The following CXCL9 variants were observed in gnomAD, a reference collection of about 807,000 sequenced individuals.
CXCL9 encodes the protein C-X-C motif chemokine ligand 9, also known as C-X-C motif chemokine 9.
CXCL9 carries 8 observed loss-of-function variants against 11.7 expected under a neutral mutation model. The ratio of observed to expected loss-of-function variants is 0.68; its 90% CI spans 0.40 to 1.23. The LOEUF is 1.23. Ranked by LOEUF, CXCL9 falls within the 50% of genes most tolerant of loss-of-function variation. CXCL9 has a pLI of 0.01. For synonymous variants in CXCL9, 43 were observed against 48.2 expected, an observed-to-expected ratio of 0.89 and a Z score of 0.45; for missense variants, 133 against 141.7, an observed-to-expected ratio of 0.94 and a Z score of 0.31.
In CXCL9 at chr4:76,003,590, G is replaced by A; in HGVS notation, c.*8C>T. Reference sequence around the variant, plus strand: ...TTAACACAGAATACTTATTGGTGAAGTGGTCTCTTATGTAGTCTTCTTTTG... The same window carrying A: ...TTAACACAGAATACTTATTGGTGAAATGGTCTCTTATGTAGTCTTCTTTTG... On this transcript the variant is annotated 3_prime_UTR_variant, in exon 4 of 4. Coordinates refer to ENST00000264888, the MANE Select transcript of CXCL9 (RefSeq NM_002416.3). 6.8e-7 allele frequency: 1 copy of A among 1,470,318 alleles called. No homozygotes were observed. Among genetic ancestry groups the A allele is most frequent in the Non-Finnish European group, 9.5e-7 (1 of 1,053,978 alleles). 91.1% of individuals were successfully genotyped at this position (1,470,318 alleles called of 1,614,324 possible). A position where few individuals can be genotyped will look rare whatever the true frequency, so the allele number is the denominator to read the frequency against.
At position 76,002,096 on chromosome 4, in the gene CXCL9, A is replaced by G. The variant is rs558792192; in HGVS notation, c.*1502T>C. On this transcript the variant is annotated 3_prime_UTR_variant, in exon 4 of 4. Transcript: ENST00000264888. ...AACAAGTAAACGGACAATAAAACTC[A>G]TATTTGCCTAAAATGAGTTTCGATA... 2 of 390,108 alleles carry G rather than the reference A, an allele frequency of 5.1e-6. No homozygotes were observed. The highest frequency in any genetic ancestry group is 4.1e-5 in the African/African-American group (2 of 48,244). The allele number at this position is 390,108 out of a possible 1,614,324, so 24.2% of individuals were successfully genotyped here.
Position 76,004,816 on chromosome 4 carries a change from T to G in CXCL9, c.269A>C (p.Glu90Ala), listed in dbSNP as rs901303891. ...ADVKELIKKWEKQVSQKKKQK... is the reference protein window; with the variant it reads ...ADVKELIKKWAKQVSQKKKQK... ...ATCTTCCTTTTCACCAACCTGTTTC[T>G]CCCACTTTTTAATCAGTTCCTTCAC... Residue 90 changes from glutamate to alanine, a missense_variant, in exon 3 of 4, where the codon GAG becomes GCG. Physicochemically the swap from Glu to Ala is moderately radical, Grantham distance 107. Coordinates refer to ENST00000264888, the MANE Select transcript of CXCL9 (RefSeq NM_002416.3). 1.3e-6 allele frequency: 2 copies of G among 1,596,274 alleles called. No individual in the cohort carries two copies. Among genetic ancestry groups the G allele is most frequent in the Non-Finnish European group, 1.7e-6 (2 of 1,174,726 alleles).
intron 2 of CXCL9, 140 bp downstream of exon 2, chr4:76,006,008 G>A (rs1182916131): frequency 2.9e-6 from 2 of 682,416 alleles, no homozygotes; most frequent in East Asian, 2.8e-5. Context: ...AGAAAAGAAA[G>A]GAGCTGCCCA....
At chr4:76,005,431 A>G (rs967849078) in intron 2 of CXCL9, 3 of 152,280 alleles carry the variant, frequency 2.0e-5, no homozygotes, top group Non-Finnish European at 4.4e-5. Flanking sequence ...TCTGAGAATA[A>G]GAGTAGTCAA....
At chr4:76,006,833 T>C (rs1485699061) in intron 1 of CXCL9, among the ~76,000 whole-genome samples, 3 of 152,230 alleles carry the variant, frequency 2.0e-5, no homozygotes, top group African/African-American at 7.2e-5. Context: ...TGAAAACCCC[T>C]TAAAATACAT....
rs192154610 is a variant in CXCL9 at position 76,003,491 on chromosome 4, T to A, written c.*107A>T. On this transcript the variant is annotated 3_prime_UTR_variant, in exon 4 of 4. Coordinates refer to ENST00000264888, the MANE Select transcript of CXCL9 (RefSeq NM_002416.3). ...CAGAGTAATGTTTTAAATTTTCTAG[T>A]CAAATTAATAAGCCTTTGTATTATA... is the stretch of plus-strand genomic sequence containing the variant. The A allele has an allele frequency of 2.1e-4, 131 of 617,456 alleles. No homozygotes were observed. The East Asian group carries it at 2.4e-3, about 11-fold the overall frequency. The allele number at this position is 617,456 out of a possible 1,614,324, so 38.2% of individuals were successfully genotyped here. A position where few individuals can be genotyped will look rare whatever the true frequency, so the allele number is the denominator to read the frequency against.
rs1253495083 is a variant in CXCL9, at chr4:76,002,257, G to C, written c.*1341C>G. On this transcript the variant is annotated 3_prime_UTR_variant, in exon 4 of 4. Coordinates refer to ENST00000264888, the MANE Select transcript of CXCL9 (RefSeq NM_002416.3). The stretch of plus-strand genomic sequence containing the variant: ...GCTGATCTATAAAGTCCTTTTCATT[G>C]TAAGATTATATGATTTTCGGTAAAC... 1 of 398,384 alleles carries C rather than the reference G, an allele frequency of 2.5e-6. No individual in the cohort carries two copies. The highest frequency in any genetic ancestry group is 4.4e-6 in the Non-Finnish European group (1 of 225,966). 24.7% of individuals were successfully genotyped at this position (398,384 alleles called of 1,614,324 possible). A position where few individuals can be genotyped will look rare whatever the true frequency, so the allele number is the denominator to read the frequency against.
In CXCL9 at chr4:76,003,581, A is replaced by G; in HGVS notation, c.*17T>C. 2 of 1,376,366 alleles carry G rather than the reference A, an allele frequency of 1.5e-6. No homozygotes were observed. Among genetic ancestry groups the G allele is most frequent in the Non-Finnish European group, 2.1e-6 (2 of 968,898 alleles). 85.3% of individuals were successfully genotyped at this position (1,376,366 alleles called of 1,614,324 possible). On this transcript the variant is annotated 3_prime_UTR_variant, in exon 4 of 4. Coordinates refer to ENST00000264888, the MANE Select transcript of CXCL9 (RefSeq NM_002416.3). ...AGAACATTTTTAACACAGAATACTTATTGGTGAAGTGGTCTCTTATGTAGT... is the reference window on the plus strand; with the variant it reads ...AGAACATTTTTAACACAGAATACTTGTTGGTGAAGTGGTCTCTTATGTAGT...
chr4:76,004,912 T>A lies in CXCL9; in HGVS notation c.192-19A>T. 6.6e-7 allele frequency: 1 copy of A among 1,522,076 alleles called. No individual in the cohort carries two copies. The allele number at this position is 1,522,076 out of a possible 1,614,324, so 94.3% of individuals were successfully genotyped here. On this transcript the variant is annotated intron_variant, in intron 2 of 3. Coordinates refer to ENST00000264888, the MANE Select transcript of CXCL9 (RefSeq NM_002416.3). ...TGTAGCACTGCCAAAGAAATAGCAA[T>A]GAGATAGTTTTTTCTCATTAATAAT...
rs528689910 is a variant in CXCL9 at position 76,001,387 on chromosome 4, T to A, written c.*2211A>T. 28 of 152,284 alleles carry A rather than the reference T, an allele frequency of 1.8e-4. No homozygotes were observed. Among genetic ancestry groups the A allele is most frequent in the Middle Eastern group, 3.4e-3 (1 of 294 alleles). The allele number at this position is 152,284 out of a possible 1,614,324, so 9.4% of individuals were successfully genotyped here. A position where few individuals can be genotyped will look rare whatever the true frequency, so the allele number is the denominator to read the frequency against. ...CTTTATTTGAGAGAAAGCTAAAAAG[T>A]AAATAAGGACATATAAGATTTACTA... On this transcript the variant is annotated 3_prime_UTR_variant, in exon 4 of 4. Coordinates refer to ENST00000264888, the MANE Select transcript of CXCL9 (RefSeq NM_002416.3).
chr4:76,002,261 G>T lies in CXCL9; in HGVS notation c.*1337C>A, dbSNP rs1731481377. On this transcript the variant is annotated 3_prime_UTR_variant, in exon 4 of 4. Transcript: ENST00000264888. ...ATCTATAAAGTCCTTTTCATTGTAA[G>T]ATTATATGATTTTCGGTAAACTGTA... 1 of 398,236 alleles carries T rather than the reference G, an allele frequency of 2.5e-6. No homozygotes were observed. Among genetic ancestry groups the T allele is most frequent in the South Asian group, 1.3e-4 (1 of 7,844 alleles). 24.7% of individuals were successfully genotyped at this position (398,236 alleles called of 1,614,324 possible).
At position 76,006,283 on chromosome 4, in the gene CXCL9, A is replaced by C. The variant is rs371700376; in HGVS notation, c.65-9T>G. On this transcript the variant is annotated splice_polypyrimidine_tract_variant and intron_variant, in intron 1 of 3. Coordinates refer to ENST00000264888, the MANE Select transcript of CXCL9 (RefSeq NM_002416.3). ...TCTCACTACTGGGGTTCCTGAGGGA[A>C]AGAAAAAGATAGAACACATCAGTAT... 2.0e-5 allele frequency: 33 copies of C among 1,612,796 alleles called. No homozygotes were observed. The African/African-American group carries it at 3.1e-4, about 15-fold the overall frequency.
chr4:76,006,475 A>T (rs1731589418), intron 1 of CXCL9, among the ~76,000 whole-genome samples: 1 of 152,238 alleles, frequency 6.6e-6, no homozygotes, highest in African/African-American at 2.4e-5. Context: ...GATTAAGAAC[A>T]AAGTCATACA....
chr4:76,004,678 C>T, intron 3 of CXCL9, 131 bp downstream of exon 3: 1 of 1,305,396 alleles, frequency 7.7e-7, no homozygotes, highest in South Asian at 2.2e-5. Context: ...AAAATAGAAG[C>T]ACCATAATAT....
At chr4:76,006,496 A>G (rs1412231511) in intron 1 of CXCL9, among the ~76,000 whole-genome samples, 1 of 152,188 alleles carries the variant, frequency 6.6e-6, no homozygotes, top group Non-Finnish European at 1.5e-5. Flanking sequence ...GCTTTTAGGG[A>G]GCAGGGGCAG....
At position 76,006,202 on chromosome 4, in the gene CXCL9, A is replaced by C. The variant is rs1266955831; in HGVS notation, c.137T>G (p.Leu46Trp). The part of the protein sequence containing the change: ...TNQGTIHLQS[L>W]KDLKQFAPSP... The stretch of plus-strand genomic sequence containing the variant: ...TGGGGCAAATTGTTTAAGGTCTTTC[A>C]AGGATTGTAGGTGGATAGTCCCTTG... Residue 46 changes from leucine to tryptophan, a missense_variant, in exon 2 of 4, where the codon TTG becomes TGG. Leu to Trp is a moderately conservative substitution (Grantham distance 61). Coordinates refer to ENST00000264888, the MANE Select transcript of CXCL9 (RefSeq NM_002416.3). 4 of 1,613,682 alleles carry C rather than the reference A, an allele frequency of 2.5e-6. No individual in the cohort carries two copies. Among genetic ancestry groups the C allele is most frequent in the Non-Finnish European group, 2.5e-6 (3 of 1,179,770 alleles).
rs963080284 is a variant in CXCL9 at position 76,003,376 on chromosome 4, G to A, written c.*222C>T. 6.1e-6 allele frequency: 3 copies of A among 493,448 alleles called. No homozygotes were observed. The highest frequency in any genetic ancestry group is 6.0e-5 in the African/African-American group (3 of 50,020). 30.6% of individuals were successfully genotyped at this position (493,448 alleles called of 1,614,324 possible). A position where few individuals can be genotyped will look rare whatever the true frequency, so the allele number is the denominator to read the frequency against. ...TTAAGCATGATGAAATTCAACTGGT[G>A]GGTGGTAGAAGAACAAAGACAATCA... On this transcript the variant is annotated 3_prime_UTR_variant, in exon 4 of 4. Transcript: ENST00000264888.
At chr4:76,004,673 A>G (rs1332036458) in intron 3 of CXCL9, 136 bp downstream of exon 3, 2 of 1,301,122 alleles carry the variant, frequency 1.5e-6, no homozygotes, top group Non-Finnish European at 2.0e-6. Flanking sequence ...GGAACAAAAT[A>G]GAAGCACCAT....
At position 76,002,265 on chromosome 4, in the gene CXCL9, A is replaced by G. The variant is rs1031549085; in HGVS notation, c.*1333T>C. The stretch of plus-strand genomic sequence containing the variant: ...ATAAAGTCCTTTTCATTGTAAGATT[A>G]TATGATTTTCGGTAAACTGTATATT... On this transcript the variant is annotated 3_prime_UTR_variant, in exon 4 of 4. Coordinates refer to ENST00000264888, the MANE Select transcript of CXCL9 (RefSeq NM_002416.3). The G allele has an allele frequency of 1.0e-5, 4 of 398,412 alleles. No individual in the cohort carries two copies. Among genetic ancestry groups the G allele is most frequent in the Non-Finnish European group, 1.3e-5 (3 of 226,024 alleles). 24.7% of individuals were successfully genotyped at this position (398,412 alleles called of 1,614,324 possible).
Sources: allele counts gnomAD v4.1 joint callset (sites outside exome capture counted in the v4.1 genomes callset), GRCh38; gene constraint gnomAD v4.1.1; transcripts MANE v1.5; gene names NCBI Gene and HGNC (gene_info 2026-07-23, HGNC 2026-07-21).